Variants in LAMP5 observed in about 807,000 individuals in gnomAD.
The protein encoded by LAMP5 is lysosome-associated membrane glycoprotein 5.
LAMP5 carries 36 observed loss-of-function variants against 30.2 expected under a neutral mutation model. That is an observed-to-expected ratio of 1.19 (90% CI 0.91 to 1.57). The LOEUF (loss-of-function observed/expected upper bound fraction) is 1.57. LAMP5 is among the 40% of genes most tolerant of loss of function. LAMP5 has a pLI of 0.00. For missense variants in LAMP5, 377 were observed against 354.9 expected (o/e 1.06, Z -0.50); for synonymous variants, 149 against 134.6 (o/e 1.11, Z -0.74).
rs60017722 is a variant in LAMP5 at position 9,522,972 on chromosome 20, C to CTTTTTT, written c.664+4761_664+4766dup. Reference sequence around the variant, plus strand: ...TTTTTTTCTTCTCTAATACTTAAATCTTTTTTTTTTTTTTTTTTTTTTGAG... The same window carrying CTTTTTT: ...TTTTTTTCTTCTCTAATACTTAAATCTTTTTTTTTTTTTTTTTTTTTTTTTTTTGAG... On this transcript the variant is annotated intron_variant, in intron 5 of 5. Transcript: ENST00000246070. Among the ~76,000 whole-genome samples, 529 of 104,162 alleles carry CTTTTTT rather than the reference C, an allele frequency of 5.1e-3. 8 individuals are homozygous for CTTTTTT. Among genetic ancestry groups the CTTTTTT allele is most frequent in the African/African-American group, 7.9e-3 (183 of 23,178 alleles). 68.3% of individuals were successfully genotyped at this position (104,162 alleles called of 152,430 possible).
At chr20:9,524,595 T>TA (rs748114210) in intron 5 of LAMP5, among the ~76,000 whole-genome samples, 5,747 of 82,224 alleles carry the variant, frequency 0.07, 240 homozygotes, top group East Asian at 0.21. Context: ...CAGATCGAAC[T>TA]AAAAAAAAAA....
intron 5 of LAMP5, among the ~76,000 whole-genome samples, chr20:9,528,845 A>G (rs1028691706): frequency 2.0e-5 from 3 of 152,210 alleles, no homozygotes; most frequent in African/African-American, 7.2e-5. Flanking sequence ...GGAATCATAC[A>G]GTATGTATAC....
At chr20:9,529,613 C>T (rs778294418) in intron 5 of LAMP5, 29 bp from the exon 6 acceptor site, 2 of 1,604,076 alleles carry the variant, frequency 1.2e-6, no homozygotes, top group South Asian at 2.2e-5. Flanking sequence ...TTGACCAGAG[C>T]TCTCTGCTTT....
At chr20:9,526,895 T>C (rs1463862853) in intron 5 of LAMP5, among the ~76,000 whole-genome samples, 4 of 122,250 alleles carry the variant, frequency 3.3e-5, no homozygotes, top group African/African-American at 1.3e-4. Flanking sequence ...TATATATATA[T>C]ATATATACAC....
intron 5 of LAMP5, among the ~76,000 whole-genome samples, chr20:9,526,424 C>T (rs2045112794): frequency 6.6e-6 from 1 of 152,138 alleles, no homozygotes; most frequent in Non-Finnish European, 1.5e-5. Context: ...AATAAATAAC[C>T]TTTGTTGTTA....
In LAMP5 at chr20:9,514,674, G is replaced by C; in HGVS notation, c.-179G>C. 1 of 582,746 alleles carries C rather than the reference G, an allele frequency of 1.7e-6. No individual in the cohort carries two copies. Among genetic ancestry groups the C allele is most frequent in the Non-Finnish European group, 3.1e-6 (1 of 326,150 alleles). 36.1% of individuals were successfully genotyped at this position (582,746 alleles called of 1,614,324 possible). On this transcript the variant is annotated 5_prime_UTR_variant, in exon 1 of 6. Coordinates refer to ENST00000246070, the MANE Select transcript of LAMP5 (RefSeq NM_012261.4). Reference sequence around the variant, plus strand: ...CCGATTTGCTCTGCCAGCAGCTGTCGGTGCCGCGCTCGACACCGAGTCCTA... The same window carrying C: ...CCGATTTGCTCTGCCAGCAGCTGTCCGTGCCGCGCTCGACACCGAGTCCTA...
At chr20:9,515,910 G>C (rs534072721) in intron 2 of LAMP5, 90 bp from the exon 3 acceptor site, 512 of 1,385,442 alleles carry the variant, frequency 3.7e-4, no homozygotes, top group Non-Finnish European at 4.6e-4. Context: ...GCGCCCAAGC[G>C]TGCAACCCAG....
At chr20:9,522,192 T>A (rs2045083603) in intron 5 of LAMP5, among the ~76,000 whole-genome samples, 1 of 152,182 alleles carries the variant, frequency 6.6e-6, no homozygotes, top group Non-Finnish European at 1.5e-5. Flanking sequence ...GTTTGTTGGG[T>A]ACCCCCAATT....
chr20:9,529,424 T>C (rs1440582557), intron 5 of LAMP5, among the ~76,000 whole-genome samples: 1 of 152,200 alleles, frequency 6.6e-6, no homozygotes, highest in Non-Finnish European at 1.5e-5. Flanking sequence ...AATCCAATAA[T>C]TACATGTTGT....
At chr20:9,522,545 G>A (rs751395136) in intron 5 of LAMP5, among the ~76,000 whole-genome samples, 3 of 152,230 alleles carry the variant, frequency 2.0e-5, no homozygotes, top group Non-Finnish European at 4.4e-5. Context: ...AGGACTCCAA[G>A]ATGGAGCCCC....
chr20:9,518,181 T>C lies in LAMP5; in HGVS notation c.617T>C (p.Val206Ala). The C allele has an allele frequency of 6.2e-7, 1 of 1,614,160 alleles. No homozygotes were observed. The highest frequency in any genetic ancestry group is 8.5e-7 in the Non-Finnish European group (1 of 1,180,002). Residue 206 changes from valine to alanine, a missense_variant, in exon 5 of 6, where the codon GTC (valine) becomes GCC (alanine). By Grantham distance (64) the Val-to-Ala change is moderately conservative. Transcript: ENST00000246070. ...ACGGTCACCATGATCCTGTCTGCGG[T>C]CCACATCCAACCTTTTGACATTATC... ...QKTVTMILSA[V>A]HIQPFDIISD...
rs1220244003 is a variant in LAMP5 at position 9,518,033 on chromosome 20, G to C, written c.476-7G>C. On this transcript the variant is annotated splice_region_variant and splice_polypyrimidine_tract_variant and intron_variant, in intron 4 of 5. Coordinates refer to ENST00000246070, the MANE Select transcript of LAMP5 (RefSeq NM_012261.4). ...GTTCTAACTATTGCTCTGGGCTCTT[G>C]CTGTAGCTGGGAAGCACACAGCCAA... The C allele has an allele frequency of 6.9e-7, 1 of 1,453,768 alleles. No homozygotes were observed. The highest frequency in any genetic ancestry group is 9.4e-7 in the Non-Finnish European group (1 of 1,069,226). The allele number at this position is 1,453,768 out of a possible 1,614,324, so 90.1% of individuals were successfully genotyped here. A position where few individuals can be genotyped will look rare whatever the true frequency, so the allele number is the denominator to read the frequency against.
Position 9,529,928 on chromosome 20 carries a change from C to G in LAMP5, c.*108C>G. ...CGAGATACACCAACATAGCTACAAT[C>G]AAACAGGCCTGGGTATCTGAGGCTT... On this transcript the variant is annotated 3_prime_UTR_variant, in exon 6 of 6. Transcript: ENST00000246070. The G allele has an allele frequency of 8.8e-7, 1 of 1,139,148 alleles. No individual in the cohort carries two copies. Among genetic ancestry groups the G allele is most frequent in the Non-Finnish European group, 1.3e-6 (1 of 792,722 alleles). 70.6% of individuals were successfully genotyped at this position (1,139,148 alleles called of 1,614,324 possible).
chr20:9,516,036 G>A lies in LAMP5; in HGVS notation c.274G>A (p.Gly92Arg), dbSNP rs1172391510. 6.5e-7 allele frequency: 1 copy of A among 1,535,370 alleles called. No individual in the cohort carries two copies. ...TEQADIALTRGAEVKGRCGHS... is the reference protein window; with the variant it reads ...TEQADIALTRRAEVKGRCGHS... ...ACAGGCCGATATCGCATTGACCCGGGGAGCTGAGGTGAAGGGCCGCTGTGG... is the reference window on the plus strand; with the variant it reads ...ACAGGCCGATATCGCATTGACCCGGAGAGCTGAGGTGAAGGGCCGCTGTGG... The change falls in exon 3 of 6, where the codon GGA (glycine) becomes AGA (arginine). Residue 92 changes from glycine to arginine, a missense_variant. Gly to Arg is a moderately radical substitution (Grantham distance 125). Transcript: ENST00000246070.
At chr20:9,524,719 G>A (rs545218547) in intron 5 of LAMP5, among the ~76,000 whole-genome samples, 2 of 152,012 alleles carry the variant, frequency 1.3e-5, no homozygotes, top group South Asian at 4.2e-4. Context: ...ATAAGACCAT[G>A]GAAGAGTCAG....
intron 1 of LAMP5, 72 bp downstream of exon 1, chr20:9,514,988 T>A: frequency 2.9e-6 from 4 of 1,362,680 alleles, no homozygotes; most frequent in Non-Finnish European, 4.2e-6. Context: ...CAAAGTAAAG[T>A]CAATTAGCTT....
Position 9,523,799 on chromosome 20 carries a change from A to G in LAMP5, c.664+5571A>G, listed in dbSNP as rs569942823. On this transcript the variant is annotated intron_variant, in intron 5 of 5. Transcript: ENST00000246070. Reference sequence around the variant, plus strand: ...AGCCAGATGTAGTCCGGGCTAAGCCAACAGATGCTCTTCTCCCTGGCGGAA... The same window carrying G: ...AGCCAGATGTAGTCCGGGCTAAGCCGACAGATGCTCTTCTCCCTGGCGGAA... Among the ~76,000 whole-genome samples the G allele has an allele frequency of 2.6e-5, 4 of 152,296 alleles. No homozygotes were observed. In the South Asian group the frequency reaches 6.2e-4, roughly 24 times the overall value.
chr20:9,520,686 A>C (rs150620067), intron 5 of LAMP5, among the ~76,000 whole-genome samples: 349 of 152,014 alleles, frequency 2.3e-3, no homozygotes, highest in Admixed American at 3.9e-3. Context: ...TTCCCTGTGT[A>C]AGGGGGTCAT....
At chr20:9,529,529 C>A (rs2045135853) in intron 5 of LAMP5, 113 bp from the exon 6 acceptor site, 1 of 1,115,446 alleles carries the variant, frequency 9.0e-7, no homozygotes, top group Non-Finnish European at 1.3e-6. Flanking sequence ...GAAAAATAGT[C>A]CCAAAGCTTC....
Sources: allele counts gnomAD v4.1 joint callset (sites outside exome capture counted in the v4.1 genomes callset), GRCh38; gene constraint gnomAD v4.1.1; transcripts MANE v1.5; gene names NCBI Gene and HGNC (gene_info 2026-07-23, HGNC 2026-07-21).